Variants in KIAA0825 observed in about 807,000 individuals in gnomAD.
KIAA0825 encodes uncharacterized protein KIAA0825.
In KIAA0825, 119 loss-of-function variants were observed where a neutral mutation model predicts 147.6. The ratio of observed to expected loss-of-function variants is 0.81; its 90% confidence interval spans 0.69 to 0.94. KIAA0825 has a LOEUF of 0.94. Among genes scored for constraint, KIAA0825 ranks in the 40% least tolerant of loss-of-function variants. The pLI is 0.00. For synonymous variants in KIAA0825, 470 were observed against 518.1 expected (o/e 0.91, Z 1.26); for missense variants, 1,381 against 1,472.7 (o/e 0.94, Z 1.02).
At chr5:94,565,632 G>A (rs773908709) in intron 2 of KIAA0825, among the ~76,000 whole-genome samples, 27 of 152,024 alleles carry the variant, frequency 1.8e-4, no homozygotes, top group Admixed American at 1.7e-3. Context: ...CTGAGCCACC[G>A]CACCTGGCTG....
intron 2 of KIAA0825, among the ~76,000 whole-genome samples, chr5:94,572,324 G>A (rs1780133123): frequency 6.6e-6 from 1 of 152,156 alleles, no homozygotes; most frequent in Admixed American, 6.5e-5. Context: ...CACTTTATCA[G>A]TAAGCACCCT....
At chr5:94,204,872 A>T (rs1387801570) in intron 20 of KIAA0825, among the ~76,000 whole-genome samples, 2 of 152,184 alleles carry the variant, frequency 1.3e-5, no homozygotes, top group Admixed American at 6.5e-5. Context: ...AGACAAAGGG[A>T]TGGAAATGAA....
chr5:94,222,592 T>C (rs565698707), intron 20 of KIAA0825, among the ~76,000 whole-genome samples: 107 of 152,284 alleles, frequency 7.0e-4, no homozygotes, highest in African/African-American at 2.5e-3. Context: ...GTTTTCAAAA[T>C]TGAAACCTAA....
chr5:94,414,923 A>ATACC (rs1253624959), intron 15 of KIAA0825: 1 of 152,186 alleles, frequency 6.6e-6, no homozygotes, highest in Non-Finnish European at 1.5e-5. Flanking sequence ...AATCTAACCA[A>ATACC]TACCTGATGA....
At chr5:94,223,329 T>C (rs970887139) in intron 20 of KIAA0825, among the ~76,000 whole-genome samples, 1 of 152,188 alleles carries the variant, frequency 6.6e-6, no homozygotes, top group African/African-American at 2.4e-5. Flanking sequence ...TGTGGTGCCA[T>C]ATCTGAGCAC....
chr5:94,256,961 C>G (rs976872062), intron 20 of KIAA0825, among the ~76,000 whole-genome samples: 6 of 151,038 alleles, frequency 4.0e-5, no homozygotes, highest in African/African-American at 1.5e-4. Context: ...ACCTACCTAC[C>G]TATCTCGTTC....
At chr5:94,311,064 A>G (rs1270390900) in intron 20 of KIAA0825, among the ~76,000 whole-genome samples, 1 of 151,538 alleles carries the variant, frequency 6.6e-6, no homozygotes, top group Non-Finnish European at 1.5e-5. Context: ...AGCAAGGGTG[A>G]CCTCCAGTGT....
intron 3 of KIAA0825, among the ~76,000 whole-genome samples, chr5:94,528,433 C>T (rs560361139): frequency 1.2e-4 from 18 of 152,186 alleles, no homozygotes; most frequent in Non-Finnish European, 2.5e-4. Context: ...AGATGCTTTA[C>T]TCTGGCCATT....
chr5:94,550,401 C>T (rs1425166318), intron 2 of KIAA0825, among the ~76,000 whole-genome samples: 1 of 152,170 alleles, frequency 6.6e-6, no homozygotes, highest in African/African-American at 2.4e-5. Context: ...AAGCACCCCA[C>T]CCAACTGACA....
chr5:94,343,222 C>T (rs1363071995), intron 20 of KIAA0825, among the ~76,000 whole-genome samples: 1 of 152,202 alleles, frequency 6.6e-6, no homozygotes, highest in Non-Finnish European at 1.5e-5. Context: ...TCTCAGCAGC[C>T]TTCCACCTTT....
intron 20 of KIAA0825, among the ~76,000 whole-genome samples, chr5:94,299,292 C>T (rs1693675559): frequency 6.6e-6 from 1 of 152,060 alleles, no homozygotes; most frequent in South Asian, 2.1e-4. Context: ...TCAGGGCACA[C>T]AGCAGCCTCA....
At chr5:94,229,330 T>C (rs1033609224) in intron 20 of KIAA0825, among the ~76,000 whole-genome samples, 1 of 152,196 alleles carries the variant, frequency 6.6e-6, no homozygotes, top group Non-Finnish European at 1.5e-5. Context: ...GTATTCTGAT[T>C]CCCAGTGCTC....
intron 5 of KIAA0825, among the ~76,000 whole-genome samples, chr5:94,507,037 AT>A (rs763347820): frequency 7.2e-5 from 11 of 152,342 alleles, no homozygotes; most frequent in Admixed American, 5.2e-4. Flanking sequence ...TACCAAAAAA[AT>A]AAGTGTTATG....
intron 5 of KIAA0825, among the ~76,000 whole-genome samples, chr5:94,500,863 C>T (rs1041786817): frequency 1.3e-5 from 2 of 152,116 alleles, no homozygotes; most frequent in African/African-American, 2.4e-5. Context: ...CTGCAACCTC[C>T]GCCTCCCGGG....
intron 20 of KIAA0825, among the ~76,000 whole-genome samples, chr5:94,225,018 C>A (rs1774035810): frequency 6.6e-6 from 1 of 152,180 alleles, no homozygotes; most frequent in Non-Finnish European, 1.5e-5. Context: ...AACTGTCCCT[C>A]CTAAGAGGCT....
At chr5:94,607,634 C>G (rs1787739368) in intron 1 of KIAA0825, among the ~76,000 whole-genome samples, 1 of 151,928 alleles carries the variant, frequency 6.6e-6, no homozygotes, top group Non-Finnish European at 1.5e-5. Flanking sequence ...AACAAACAAA[C>G]AAAAAACAAG....
chr5:94,432,725 A>C (rs1755849878), intron 14 of KIAA0825, among the ~76,000 whole-genome samples: 1 of 152,182 alleles, frequency 6.6e-6, no homozygotes, highest in Admixed American at 6.5e-5. Flanking sequence ...ATTAAATTGC[A>C]CTTTGGTCAC....
chr5:94,480,539 A>G (rs1386264744), intron 6 of KIAA0825, among the ~76,000 whole-genome samples: 1 of 152,092 alleles, frequency 6.6e-6, no homozygotes, highest in Non-Finnish European at 1.5e-5. Flanking sequence ...TTGAAGTATA[A>G]GCTTTGCAGA....
At chr5:94,462,988 T>C (rs1046957957) in intron 11 of KIAA0825, among the ~76,000 whole-genome samples, 2 of 151,864 alleles carry the variant, frequency 1.3e-5, no homozygotes, top group Admixed American at 1.3e-4. Flanking sequence ...TCCTCACTCA[T>C]ATGTAAGCTG....
Sources: allele counts gnomAD v4.1 joint callset (sites outside exome capture counted in the v4.1 genomes callset), GRCh38; gene constraint gnomAD v4.1.1; transcripts MANE v1.5; gene names NCBI Gene and HGNC (gene_info 2026-07-23, HGNC 2026-07-21).